Variants in PCNX2 observed in about 807,000 individuals in gnomAD.
PCNX2 encodes pecanex 2.
A neutral mutation model predicts 223.8 loss-of-function variants in PCNX2; 168 were observed. The ratio of observed to expected loss-of-function variants is 0.75; its 90% CI spans 0.66 to 0.85. The LOEUF (loss-of-function observed/expected upper bound fraction) is 0.85, where lower values mean the gene tolerates loss of function less well. PCNX2 is among the 40% of genes least tolerant of loss of function. The probability of loss-of-function intolerance (pLI) is 0.00; values close to 1 mark genes in which losing one functional copy is unlikely to be tolerated. For missense variants in PCNX2, 2,507 were observed against 2,675.5 expected (o/e 0.94, Z 1.39); for synonymous variants, 1,006 against 1,052.6 (o/e 0.96, Z 0.86).
chr1:233,295,998 C>CTTT (rs201102619), upstream of PCNX2, among the ~76,000 whole-genome samples: 701 of 96,882 alleles, frequency 7.2e-3, 36 homozygotes, highest in African/African-American at 0.025. This position sits in a 1 kb window ranked among gnomAD's most constrained non-coding sequence, Gnocchi z 4.1. Flanking sequence ...TTCTTTCTTT[C>CTTT]TTTCTTTTTT....
At chr1:233,018,847 G>A (rs946484797) in intron 26 of PCNX2, 9 of 985,434 alleles carry the variant, frequency 9.1e-6, no homozygotes, top group African/African-American at 1.7e-5. Context: ...AGAAACAAAC[G>A]CTTAATTGAT....
At chr1:233,286,837 G>C (rs940946026) in intron 1 of PCNX2, among the ~76,000 whole-genome samples, 21 of 152,066 alleles carry the variant, frequency 1.4e-4, no homozygotes, top group Non-Finnish European at 3.1e-4. Context: ...AGAAACATCA[G>C]TCAACGCATG....
chr1:233,089,385 C>A (rs2102937300), intron 23 of PCNX2, among the ~76,000 whole-genome samples: 1 of 152,280 alleles, frequency 6.6e-6, no homozygotes, highest in South Asian at 2.1e-4. Context: ...CACATGCTTT[C>A]CTTCCCTGCT....
chr1:233,089,847 T>C (rs1012553447), intron 23 of PCNX2: 4 of 1,301,436 alleles, frequency 3.1e-6, no homozygotes, highest in Non-Finnish European at 3.9e-6. Flanking sequence ...CTAGTATTCG[T>C]TGGCTAATTT....
chr1:233,003,884 C>T (rs1297224813), intron 28 of PCNX2, among the ~76,000 whole-genome samples: 1 of 152,142 alleles, frequency 6.6e-6, no homozygotes, highest in Non-Finnish European at 1.5e-5. Context: ...CCATCATTCT[C>T]AACAAAGTAA....
chr1:233,052,979 CCAT>C (rs1050536303), intron 25 of PCNX2, among the ~76,000 whole-genome samples: 8 of 151,706 alleles, frequency 5.3e-5, no homozygotes, highest in African/African-American at 1.9e-4. Context: ...CCTGTCTCTG[CCAT>C]CATCTGCTTG....
chr1:233,241,470 CA>C, intron 8 of PCNX2: 2 of 803,350 alleles, frequency 2.5e-6, no homozygotes, highest in Non-Finnish European at 3.0e-6. Context: ...ATAAGAATGA[CA>C]GTGAAAGGAG....
chr1:233,219,214 G>C (rs1197661622), intron 10 of PCNX2, among the ~76,000 whole-genome samples: 1 of 152,154 alleles, frequency 6.6e-6, no homozygotes, highest in African/African-American at 2.4e-5. Flanking sequence ...AGCCTAGGTA[G>C]AATAGGGAGG....
the PCNX2 span, among the ~76,000 whole-genome samples, chr1:233,302,127 A>C: frequency 6.6e-6 from 1 of 152,192 alleles, no homozygotes; most frequent in African/African-American, 2.4e-5. Flanking sequence ...AAAGAAAATT[A>C]AAAAACAATC....
the PCNX2 span, among the ~76,000 whole-genome samples, chr1:233,318,433 C>T: frequency 6.6e-6 from 1 of 152,044 alleles, no homozygotes; most frequent in Non-Finnish European, 1.5e-5. Context: ...AGAAAATATC[C>T]TTTTCTCTAG....
chr1:233,036,339 T>G (rs1671452739), intron 25 of PCNX2, among the ~76,000 whole-genome samples: 1 of 152,154 alleles, frequency 6.6e-6, no homozygotes, highest in Non-Finnish European at 1.5e-5. Context: ...TGTAAGAATT[T>G]TATATTTCAG....
chr1:233,257,519 T>C (rs2102993076), intron 5 of PCNX2, among the ~76,000 whole-genome samples: 1 of 152,292 alleles, frequency 6.6e-6, no homozygotes, highest in East Asian at 1.9e-4. Context: ...ACATGCAAAG[T>C]GCTTAGAACA....
chr1:233,286,516 T>C (rs1366039836), intron 1 of PCNX2, among the ~76,000 whole-genome samples: 1 of 152,078 alleles, frequency 6.6e-6, no homozygotes, highest in African/African-American at 2.4e-5. Flanking sequence ...ACATGGACTA[T>C]GTACGCGAGA....
At chr1:233,018,673 C>A (rs548518622) in intron 26 of PCNX2, 1 of 743,374 alleles carries the variant, frequency 1.3e-6, no homozygotes, top group African/African-American at 1.9e-5. Context: ...TCCCTGCCAG[C>A]GTGCACCGCA....
chr1:233,020,285 T>C lies in PCNX2; in HGVS notation c.4606-3131A>G, dbSNP rs189952810. On this transcript the variant is annotated intron_variant, in intron 26 of 33. Coordinates refer to ENST00000258229, the MANE Select transcript of PCNX2 (RefSeq NM_014801.4). ...TGGGAGAAAACAGAACCACCCCAAATGCTTGCAAGTCATACCCTATCTCCA... is the reference window on the plus strand; with the variant it reads ...TGGGAGAAAACAGAACCACCCCAAACGCTTGCAAGTCATACCCTATCTCCA... Among the ~76,000 whole-genome samples, 312 of 152,312 alleles carry C rather than the reference T, an allele frequency of 2.0e-3. 1 individual carries two copies. Among genetic ancestry groups the C allele is most frequent in the Admixed American group, 3.5e-3 (54 of 15,308 alleles).
At chr1:233,083,633 A>G (rs1484990118) in intron 23 of PCNX2, among the ~76,000 whole-genome samples, 1 of 152,202 alleles carries the variant, frequency 6.6e-6, no homozygotes, top group Non-Finnish European at 1.5e-5. Flanking sequence ...GACTAGTTAC[A>G]ATATTTTTAT....
rs1053247792 is a variant in PCNX2 at position 233,236,991 on chromosome 1, G to A, written c.2223-11C>T. ...CTGACCTGCATCTCTCTGAGGATGG[G>A]CAAAACAAAAGCTTTGGTTACCTGG... On this transcript the variant is annotated splice_polypyrimidine_tract_variant and intron_variant, in intron 8 of 33. Transcript: ENST00000258229. 17 of 1,613,264 alleles carry A rather than the reference G, an allele frequency of 1.1e-5. No homozygotes were observed. The African/African-American group carries it at 1.9e-4, about 18-fold the overall frequency.
the PCNX2 span, among the ~76,000 whole-genome samples, chr1:233,308,411 A>G: frequency 1.3e-5 from 2 of 152,138 alleles, no homozygotes; most frequent in Non-Finnish European, 2.9e-5. Context: ...GTGAGCCGAG[A>G]TCGTGCCACT....
intron 21 of PCNX2, among the ~76,000 whole-genome samples, chr1:233,099,698 G>T (rs1239410568): frequency 6.6e-6 from 1 of 152,126 alleles, no homozygotes; most frequent in Non-Finnish European, 1.5e-5. Context: ...TATCAAAACA[G>T]CAATTTCTAA....
Sources: gnomAD v4.1 joint callset for allele counts (sites outside exome capture counted in the v4.1 genomes callset) on GRCh38, gnomAD v4.1.1 for gene constraint, Gnocchi (gnomAD v3.1) non-coding constraint, MANE v1.5 for transcripts, NCBI Gene and HGNC (gene_info 2026-07-23, HGNC 2026-07-21) for gene names.